The following NUAK1 variants were observed in gnomAD, a reference collection of about 807,000 sequenced individuals.
The protein encoded by NUAK1 is NUAK family kinase 1.
Under a neutral mutation model 56.9 loss-of-function variants are expected in NUAK1, and 26 were observed. The ratio of observed to expected loss-of-function variants is 0.46; its 90% confidence interval spans 0.33 to 0.63. NUAK1 has a LOEUF of 0.63. Ranked by LOEUF, NUAK1 falls within the 30% of genes least tolerant of loss-of-function variation. The pLI is 0.02. For synonymous variants in NUAK1, 337 were observed against 336.0 expected, an observed-to-expected ratio of 1.00 and a Z score of -0.03; for missense variants, 727 against 876.1, an observed-to-expected ratio of 0.83 and a Z score of 2.15.
rs147705634 is a variant in NUAK1, at chr12:106,067,698, G to A, written c.1090C>T (p.Arg364Trp). The A allele has an allele frequency of 1.8e-4, 295 of 1,614,196 alleles. No homozygotes were observed. The highest frequency in any genetic ancestry group is 3.3e-4 in the Middle Eastern group (2 of 6,060). ...TTGGATTTCTTCAGCGACCGCTGCCGCTCTAGCATGACCTCAGAGGTCGTG... is the reference window on the plus strand; with the variant it reads ...TTGGATTTCTTCAGCGACCGCTGCCACTCTAGCATGACCTCAGAGGTCGTG... ...KPTTSEVMLE[R>W]QRSLKKSKKE... is the part of the protein sequence containing the mutation. Residue 364 changes from arginine to tryptophan, a missense_variant, in exon 7 of 7, where the codon CGG (arginine) becomes TGG (tryptophan). By Grantham distance (101) the Arg-to-Trp change is moderately radical. Coordinates refer to ENST00000261402, the MANE Select transcript of NUAK1 (RefSeq NM_014840.3). The surrounding 1 kb of genome is among the most constrained non-coding windows in gnomAD (Gnocchi z 6.0).
chr12:106,127,126 T>G (rs959414931), intron 1 of NUAK1, among the ~76,000 whole-genome samples: 1 of 152,202 alleles, frequency 6.6e-6, no homozygotes, highest in East Asian at 1.9e-4. Context: ...ATTTTACAGA[T>G]GAGAAAACTG....
intron 3 of NUAK1, 139 bp from the exon 4 acceptor site, chr12:106,084,068 A>AC: frequency 1.4e-6 from 1 of 706,030 alleles, no homozygotes; most frequent in Non-Finnish European, 2.5e-6. Context: ...CTTCACCTCC[A>AC]TCCTTCAGGC....
At chr12:106,101,599 C>CCCTCACCA (rs2136469595) in intron 2 of NUAK1, among the ~76,000 whole-genome samples, 1 of 152,298 alleles carries the variant, frequency 6.6e-6, no homozygotes, top group East Asian at 1.9e-4. Flanking sequence ...ACAGATCCTT[C>CCCTCACCA]CCTCACCACA....
intron 2 of NUAK1, among the ~76,000 whole-genome samples, chr12:106,087,261 C>T (rs954993458): frequency 5.3e-5 from 8 of 152,280 alleles, no homozygotes; most frequent in Non-Finnish European, 1.2e-4. Flanking sequence ...TGGATACGGA[C>T]CAGGTAGCCG....
In NUAK1 at chr12:106,066,882, T is replaced by C; in HGVS notation, c.1906A>G (p.Ser636Gly). Residue 636 changes from serine (S) to glycine (G), a missense_variant, in exon 7 of 7, where the codon AGC becomes GGC. Coordinates refer to ENST00000261402, the MANE Select transcript of NUAK1 (RefSeq NM_014840.3). ...TCCATGTCTGTGAGGAGGGAGAAGC[T>C]GCTGTCTGCCAGCCGGTTCCGGTAC... ...KRYRNRLADS[S>G]FSLLTDMDDV... The C allele has an allele frequency of 6.2e-7, 1 of 1,614,208 alleles. No individual in the cohort carries two copies. The highest frequency in any genetic ancestry group is 1.3e-5 in the African/African-American group (1 of 75,068).
At chr12:106,098,275 T>C (rs1008060977) in intron 2 of NUAK1, among the ~76,000 whole-genome samples, 7 of 152,158 alleles carry the variant, frequency 4.6e-5, no homozygotes, top group African/African-American at 1.7e-4. Flanking sequence ...ATCCAAAGTG[T>C]CTTCATGGTG....
At chr12:106,076,620 T>C (rs2032468023) in intron 4 of NUAK1, among the ~76,000 whole-genome samples, 1 of 152,182 alleles carries the variant, frequency 6.6e-6, no homozygotes, top group Non-Finnish European at 1.5e-5. Context: ...TTTCCAGAGG[T>C]GTTCCCCACT....
At chr12:106,106,621 T>C (rs1430041954) in intron 1 of NUAK1, 96 bp from the exon 2 acceptor site, 6 of 1,333,852 alleles carry the variant, frequency 4.5e-6, no homozygotes, top group Non-Finnish European at 6.1e-6. Flanking sequence ...TGTTACTTGT[T>C]GGCAGAACTG....
intron 1 of NUAK1, among the ~76,000 whole-genome samples, chr12:106,126,292 C>A (rs954553490): frequency 6.6e-6 from 1 of 152,182 alleles, no homozygotes; most frequent in African/African-American, 2.4e-5. Flanking sequence ...CAGTGCCTAG[C>A]ACAGTGCTAT....
At chr12:106,094,823 C>G (rs896218293) in intron 2 of NUAK1, among the ~76,000 whole-genome samples, 2 of 152,208 alleles carry the variant, frequency 1.3e-5, no homozygotes, top group African/African-American at 4.8e-5. Context: ...CAAGACCCAT[C>G]CGTGCCTGCT....
intron 1 of NUAK1, among the ~76,000 whole-genome samples, chr12:106,128,648 C>T (rs192857439): frequency 2.5e-4 from 38 of 152,112 alleles, no homozygotes; most frequent in African/African-American, 9.2e-4. Flanking sequence ...AATGGGGTCC[C>T]GCTGGAGATA....
chr12:106,121,049 C>T (rs1224790706), intron 1 of NUAK1, among the ~76,000 whole-genome samples: 1 of 152,174 alleles, frequency 6.6e-6, no homozygotes, highest in African/African-American at 2.4e-5. Flanking sequence ...AAAGTCCAGA[C>T]ATCAGTGTTT....
At chr12:106,124,113 G>C (rs949231976) in intron 1 of NUAK1, among the ~76,000 whole-genome samples, 3 of 152,042 alleles carry the variant, frequency 2.0e-5, no homozygotes, top group African/African-American at 7.2e-5. Flanking sequence ...AGGGGTTGGG[G>C]GAAAGGAAGA....
intron 2 of NUAK1, among the ~76,000 whole-genome samples, chr12:106,099,950 C>G (rs2136468858): frequency 6.6e-6 from 1 of 151,156 alleles, no homozygotes; most frequent in African/African-American, 2.4e-5. Flanking sequence ...ACCATCACGT[C>G]CAGCTAATTT....
At chr12:106,126,491 A>G (rs1371411630) in intron 1 of NUAK1, among the ~76,000 whole-genome samples, 4 of 152,224 alleles carry the variant, frequency 2.6e-5, no homozygotes, top group Non-Finnish European at 5.9e-5. Context: ...CCTGGGCCTC[A>G]GTTACCTCTG....
At chr12:106,135,489 A>C (rs1267199992) in intron 1 of NUAK1, among the ~76,000 whole-genome samples, 9 of 152,222 alleles carry the variant, frequency 5.9e-5, no homozygotes, top group Admixed American at 5.9e-4. Flanking sequence ...GTATGCAATT[A>C]AAAACCATCA....
intron 1 of NUAK1, among the ~76,000 whole-genome samples, chr12:106,123,452 A>G (rs996567552): frequency 2.0e-5 from 3 of 152,202 alleles, no homozygotes; most frequent in African/African-American, 7.2e-5. Context: ...ATTATAATTA[A>G]TTTTAACTTT....
Position 106,067,721 on chromosome 12 carries a change from G to A in NUAK1, c.1067C>T (p.Thr356Met), listed in dbSNP as rs753030924. ...EAKMKGLAKP[T>M]TSEVMLERQR... ...CCGCTCTAGCATGACCTCAGAGGTC[G>A]TGGGTTTGGCCAGGCCCTTCATTTT... Residue 356 changes from threonine (T) to methionine (M), a missense_variant, in exon 7 of 7, where the codon ACG becomes ATG. Physicochemically the swap from Thr to Met is moderately conservative, Grantham distance 81 (BLOSUM62 -1). Coordinates refer to ENST00000261402, the MANE Select transcript of NUAK1 (RefSeq NM_014840.3). The surrounding 1 kb of genome is among the most constrained non-coding windows in gnomAD (Gnocchi z 6.0). 3.2e-5 allele frequency: 52 copies of A among 1,614,086 alleles called. No individual in the cohort carries two copies. Among genetic ancestry groups the A allele is most frequent in the South Asian group, 4.4e-5 (4 of 91,090 alleles).
chr12:106,098,177 T>C (rs1342299464), intron 2 of NUAK1, among the ~76,000 whole-genome samples: 1 of 152,160 alleles, frequency 6.6e-6, no homozygotes, highest in Non-Finnish European at 1.5e-5. Flanking sequence ...CCTATCCAAA[T>C]CTCAGGGAGC....
Sources: allele counts gnomAD v4.1 joint callset (sites outside exome capture counted in the v4.1 genomes callset), GRCh38; gene constraint gnomAD v4.1.1; non-coding constraint Gnocchi (gnomAD v3.1); transcripts MANE v1.5; gene names NCBI Gene and HGNC (gene_info 2026-07-23, HGNC 2026-07-21).